Variants in PAK1 observed in about 807,000 individuals in gnomAD.
The protein encoded by PAK1 is serine/threonine-protein kinase PAK 1.
PAK1 carries 29 observed loss-of-function variants against 67.4 expected under a neutral mutation model. That is an observed-to-expected ratio of 0.43 (90% CI 0.32 to 0.59). The LOEUF (loss-of-function observed/expected upper bound fraction) is 0.59. Ranked by LOEUF, PAK1 falls within the 20% of genes least tolerant of loss-of-function variation. The pLI, the probability that PAK1 is intolerant of heterozygous loss-of-function variation, is 0.07. For missense variants in PAK1, 337 were observed against 670.7 expected (o/e 0.50, Z 5.50); for synonymous variants, 223 against 237.4 (o/e 0.94, Z 0.56).
chr11:77,462,037 C>A (rs1565720079), intron 1 of PAK1, among the ~76,000 whole-genome samples: 2 of 152,140 alleles, frequency 1.3e-5, no homozygotes, highest in African/African-American at 4.8e-5. Context: ...GAATTTTCCA[C>A]ATCTTTTCGC....
At chr11:77,376,907 C>T (rs1268479913) in intron 4 of PAK1, among the ~76,000 whole-genome samples, 1 of 152,110 alleles carries the variant, frequency 6.6e-6, no homozygotes, top group Non-Finnish European at 1.5e-5. Context: ...TTTAACTTCT[C>T]TGAGCCTAAT....
At chr11:77,480,024 T>G in the PAK1 span, among the ~76,000 whole-genome samples, 1 of 152,054 alleles carries the variant, frequency 6.6e-6, no homozygotes, top group African/African-American at 2.4e-5. Flanking sequence ...AGCTGTTGTT[T>G]CTCAGGACTC....
At chr11:77,490,251 C>A in the PAK1 span, among the ~76,000 whole-genome samples, 1 of 151,590 alleles carries the variant, frequency 6.6e-6, no homozygotes, top group Admixed American at 6.6e-5. Context: ...AGCGTCTCCG[C>A]CCGGCCAGCC....
chr11:77,340,277 A>C (rs1943390271), intron 11 of PAK1, among the ~76,000 whole-genome samples: 1 of 152,190 alleles, frequency 6.6e-6, no homozygotes, highest in Non-Finnish European at 1.5e-5. Context: ...ATAGCACATA[A>C]ATAAAGCAAG....
chr11:77,461,138 T>C (rs1957324264), intron 1 of PAK1, among the ~76,000 whole-genome samples: 1 of 152,212 alleles, frequency 6.6e-6, no homozygotes, highest in African/African-American at 2.4e-5. Flanking sequence ...TAATCCCACC[T>C]ATAGAAATTT....
chr11:77,390,516 A>T lies in PAK1; in HGVS notation c.190+1815T>A, dbSNP rs530772132. Reference sequence around the variant, plus strand: ...ACACCCGGCCTATTTTATTTTTTTAAGACAGGATCTCACTCTGTCACCCAG... The same window carrying T: ...ACACCCGGCCTATTTTATTTTTTTATGACAGGATCTCACTCTGTCACCCAG... On this transcript the variant is annotated intron_variant, in intron 2 of 14. Coordinates refer to ENST00000356341, the MANE Select transcript of PAK1 (RefSeq NM_002576.5). Among the ~76,000 whole-genome samples the T allele has an allele frequency of 7.8e-4, 118 of 151,250 alleles. 3 individuals carry two copies. In the South Asian group the frequency reaches 0.024, roughly 31 times the overall value.
chr11:77,523,144 G>A, the PAK1 span, among the ~76,000 whole-genome samples: 3 of 152,004 alleles, frequency 2.0e-5, no homozygotes, highest in Non-Finnish European at 4.4e-5. Flanking sequence ...TGGGTGATGG[G>A]GTCAGTTATA....
chr11:77,455,010 C>T (rs1957022584), intron 1 of PAK1, among the ~76,000 whole-genome samples: 1 of 152,004 alleles, frequency 6.6e-6, no homozygotes, highest in African/African-American at 2.4e-5. Flanking sequence ...CTCTGTCTCT[C>T]TCATCCACTG....
intron 2 of PAK1, among the ~76,000 whole-genome samples, chr11:77,381,908 G>T (rs1949887797): frequency 6.6e-6 from 1 of 152,192 alleles, no homozygotes; most frequent in Admixed American, 6.5e-5. Context: ...TTGAGAAAGA[G>T]AAGGCTAAGG....
At chr11:77,349,129 A>T in intron 9 of PAK1, 110 bp downstream of exon 9, 1 of 790,594 alleles carries the variant, frequency 1.3e-6, no homozygotes, top group Non-Finnish European at 2.0e-6. Context: ...CATCCCAAAA[A>T]AAAAAAAAAA....
intron 14 of PAK1, among the ~76,000 whole-genome samples, chr11:77,327,972 AG>A (rs1429105956): frequency 6.6e-6 from 1 of 152,232 alleles, no homozygotes. Flanking sequence ...AAAAGAAGGC[AG>A]GGATTGCAAT....
chr11:77,501,155 A>AAAAAAAAC, the PAK1 span, among the ~76,000 whole-genome samples: 42 of 148,618 alleles, frequency 2.8e-4, no homozygotes, highest in Admixed American at 9.4e-4. Flanking sequence ...CGTCTCAAAA[A>AAAAAAAAC]AAAAAACAAA....
intron 5 of PAK1, among the ~76,000 whole-genome samples, chr11:77,360,737 C>T (rs540781532): frequency 1.3e-5 from 2 of 152,170 alleles, no homozygotes; most frequent in South Asian, 4.1e-4. Flanking sequence ...AGGTTATTAC[C>T]CAGATTTTTA....
intron 5 of PAK1, among the ~76,000 whole-genome samples, chr11:77,366,807 A>G (rs1947648973): frequency 1.3e-5 from 2 of 152,218 alleles, no homozygotes; most frequent in Admixed American, 6.5e-5. Flanking sequence ...CAAAAGGTTA[A>G]ACATAAAGTT....
chr11:77,363,339 G>C (rs191666878), intron 5 of PAK1, among the ~76,000 whole-genome samples: 1 of 152,298 alleles, frequency 6.6e-6, no homozygotes, highest in Admixed American at 6.5e-5. Context: ...TTCTGTCCCA[G>C]TAGGAAGACT....
intron 6 of PAK1, among the ~76,000 whole-genome samples, chr11:77,356,457 C>T (rs1946054292): frequency 6.6e-6 from 1 of 152,138 alleles, no homozygotes; most frequent in Admixed American, 6.6e-5. Context: ...AGAACATGGA[C>T]TCTGGAACCT....
chr11:77,347,176 A>G, intron 9 of PAK1: 2 of 426,988 alleles, frequency 4.7e-6, no homozygotes, highest in Non-Finnish European at 9.4e-6. Context: ...ACACGCATAC[A>G]ATGAATTTAA....
chr11:77,508,355 T>A, the PAK1 span, among the ~76,000 whole-genome samples: 2 of 152,214 alleles, frequency 1.3e-5, no homozygotes, highest in African/African-American at 4.8e-5. Flanking sequence ...GGAGTCATTA[T>A]CCCCATTTTT....
At chr11:77,343,020 C>T (rs1443286290) in intron 10 of PAK1, among the ~76,000 whole-genome samples, 3 of 151,736 alleles carry the variant, frequency 2.0e-5, no homozygotes, top group East Asian at 1.9e-4. Context: ...AAGTTATTAA[C>T]GTCTATAAAC....
Sources: gnomAD v4.1 joint callset for allele counts (sites outside exome capture counted in the v4.1 genomes callset) on GRCh38, gnomAD v4.1.1 for gene constraint, MANE v1.5 for transcripts, NCBI Gene and HGNC (gene_info 2026-07-23, HGNC 2026-07-21) for gene names.